Variants in ADCY2 observed in about 807,000 individuals in gnomAD.
The protein encoded by ADCY2 is adenylate cyclase 2.
ADCY2 carries 31 observed loss-of-function variants against 125.2 expected under a neutral mutation model. That is an observed-to-expected ratio of 0.25 (90% CI 0.19 to 0.33). The LOEUF is 0.33. Ranked by LOEUF, ADCY2 falls within the 10% of genes least tolerant of loss-of-function variation. The pLI is 1.00. For synonymous variants in ADCY2, 512 were observed against 548.4 expected (o/e 0.93, Z 0.93); for missense variants, 904 against 1,418.2 (o/e 0.64, Z 5.82).
At chr5:7,585,370 T>A (rs1350602654) in intron 3 of ADCY2, among the ~76,000 whole-genome samples, 1 of 152,162 alleles carries the variant, frequency 6.6e-6, no homozygotes, top group Non-Finnish European at 1.5e-5. Flanking sequence ...GTGGAAACAA[T>A]AATGGTGATA....
chr5:7,427,860 G>A (rs1740443450), intron 2 of ADCY2, among the ~76,000 whole-genome samples: 2 of 152,176 alleles, frequency 1.3e-5, no homozygotes, highest in South Asian at 4.1e-4. Flanking sequence ...AGTGTTTGAA[G>A]CCCAGCGGAC....
intron 2 of ADCY2, among the ~76,000 whole-genome samples, chr5:7,516,361 G>A (rs1385803236): frequency 6.6e-6 from 1 of 152,146 alleles, no homozygotes; most frequent in African/African-American, 2.4e-5. Flanking sequence ...CATGAGTGTG[G>A]GTGTGTGTTT....
chr5:7,750,283 A>T (rs1273979475), intron 15 of ADCY2, among the ~76,000 whole-genome samples: 2 of 151,976 alleles, frequency 1.3e-5, no homozygotes, highest in South Asian at 2.1e-4. Context: ...TTCAGTTATT[A>T]CCTTAAAACC....
intron 2 of ADCY2, among the ~76,000 whole-genome samples, chr5:7,504,286 A>C (rs1186311506): frequency 6.6e-6 from 1 of 152,204 alleles, no homozygotes; most frequent in African/African-American, 2.4e-5. Flanking sequence ...TAAAAATAAA[A>C]TGGATCCAAA....
intron 3 of ADCY2, among the ~76,000 whole-genome samples, chr5:7,555,131 A>G (rs1735463641): frequency 2.0e-5 from 3 of 152,218 alleles, no homozygotes; most frequent in African/African-American, 7.2e-5. Flanking sequence ...ACATCTTGAC[A>G]ATCATGTATC....
chr5:7,666,442 A>G (rs1389795716), intron 4 of ADCY2, among the ~76,000 whole-genome samples: 3 of 148,684 alleles, frequency 2.0e-5, no homozygotes, highest in Admixed American at 1.3e-4. Flanking sequence ...CTAATTTTTT[A>G]TATTTTTAGT....
chr5:7,632,884 AGTCCTTT>A (rs1738364538), intron 4 of ADCY2, among the ~76,000 whole-genome samples: 2 of 152,200 alleles, frequency 1.3e-5, no homozygotes, highest in Non-Finnish European at 2.9e-5. Context: ...TTTTCTGAGA[AGTCCTTT>A]AGTTAGAATG....
At chr5:7,399,087 T>C (rs1186100091) in intron 1 of ADCY2, among the ~76,000 whole-genome samples, 1 of 152,256 alleles carries the variant, frequency 6.6e-6, no homozygotes, top group African/African-American at 2.4e-5. Flanking sequence ...AAGGTTTCCA[T>C]GCTGGAGCAC....
intron 12 of ADCY2, among the ~76,000 whole-genome samples, chr5:7,719,741 T>C (rs893339573): frequency 6.6e-6 from 1 of 152,224 alleles, no homozygotes; most frequent in African/African-American, 2.4e-5. Context: ...CTTACTCTTA[T>C]GACCTCATTT....
intron 16 of ADCY2, among the ~76,000 whole-genome samples, chr5:7,758,689 A>G (rs1382193146): frequency 6.6e-6 from 1 of 151,032 alleles, no homozygotes; most frequent in African/African-American, 2.4e-5. Flanking sequence ...TCATTCTGAA[A>G]TGAGGAGGTG....
chr5:7,568,971 T>C (rs1735991421), intron 3 of ADCY2, among the ~76,000 whole-genome samples: 2 of 152,192 alleles, frequency 1.3e-5, no homozygotes, highest in South Asian at 4.1e-4. Context: ...GTACATGGGC[T>C]GTTTGTCAAA....
rs1230022298 is a variant in ADCY2, at chr5:7,816,939, C to G, written c.2957C>G (p.Ala986Gly). ...FAFALVGKLD[A>G]INKHSFNDFK... ...TTTGCCCTGGTAGGGAAGCTGGATG[C>G]CATCAACAAGCACTCCTTCAACGAC... Residue 986 changes from alanine to glycine, a missense_variant, in exon 23 of 25, where the codon GCC becomes GGC. Transcript: ENST00000338316. The G allele has an allele frequency of 1.2e-6, 2 of 1,614,116 alleles. No individual in the cohort carries two copies. Among genetic ancestry groups the G allele is most frequent in the South Asian group, 2.2e-5 (2 of 91,072 alleles).
chr5:7,436,292 A>AGAAT (rs1740797775), intron 2 of ADCY2, among the ~76,000 whole-genome samples: 1 of 152,230 alleles, frequency 6.6e-6, no homozygotes, highest in Non-Finnish European at 1.5e-5. Flanking sequence ...TCGAGTAAAA[A>AGAAT]GAATTGACCA....
rs374206423 is a variant in ADCY2 at position 7,802,907 on chromosome 5, C to G, written c.2775+543C>G. ...CATAGAGAATAGTGTGTTCTATTTC[C>G]CAGTAAGAACAAACGCCCCTCTGGT... is the stretch of plus-strand genomic sequence containing the variant. On this transcript the variant is annotated intron_variant, in intron 21 of 24. Transcript: ENST00000338316. This position sits in a 1 kb window ranked among gnomAD's most constrained non-coding sequence, Gnocchi z 4.6. Among the ~76,000 whole-genome samples the G allele has an allele frequency of 3.2e-4, 49 of 152,142 alleles. No homozygotes were observed. The highest frequency in any genetic ancestry group is 1.1e-3 in the African/African-American group (47 of 41,504).
chr5:7,453,719 T>C (rs1167701630), intron 2 of ADCY2, among the ~76,000 whole-genome samples: 1 of 152,154 alleles, frequency 6.6e-6, no homozygotes, highest in Non-Finnish European at 1.5e-5. Context: ...TTCCGGGGTC[T>C]TGTGTCCCTT....
chr5:7,415,343 C>T lies in ADCY2; in HGVS notation c.408+573C>T, dbSNP rs528426391. Among the ~76,000 whole-genome samples, 8 of 152,288 alleles carry T rather than the reference C, an allele frequency of 5.3e-5. No homozygotes were observed. In the East Asian group the frequency reaches 9.7e-4, roughly 18 times the overall value. ...TCTGTCCTCATTTTAGCAAACCCAT[C>T]GTACCACAGCCAAGGAGCTGGCCGG... On this transcript the variant is annotated intron_variant, in intron 2 of 24. Coordinates refer to ENST00000338316, the MANE Select transcript of ADCY2 (RefSeq NM_020546.3).
chr5:7,435,460 C>A lies in ADCY2; in HGVS notation c.408+20690C>A, dbSNP rs142985652. Among the ~76,000 whole-genome samples the A allele has an allele frequency of 3.2e-3, 482 of 152,288 alleles. 1 individual carries two copies. Among genetic ancestry groups the A allele is most frequent in the African/African-American group, 0.011 (458 of 41,550 alleles). ...CAGAATTTCCAGCAGAAATGCCCAG[C>A]AAGTTCTAGATTCTGTGACCAGCAG... On this transcript the variant is annotated intron_variant, in intron 2 of 24. Transcript: ENST00000338316.
intron 3 of ADCY2, among the ~76,000 whole-genome samples, chr5:7,531,080 C>A (rs1734625192): frequency 6.6e-6 from 1 of 152,180 alleles, no homozygotes; most frequent in Non-Finnish European, 1.5e-5. Flanking sequence ...GTCTGAGCTC[C>A]TGAAGGTTAA....
At chr5:7,697,331 A>G (rs907160077) in intron 6 of ADCY2, among the ~76,000 whole-genome samples, 1 of 152,300 alleles carries the variant, frequency 6.6e-6, no homozygotes, top group African/African-American at 2.4e-5. Context: ...CTATCCAGCC[A>G]TTGGTTTATC....
Sources: allele counts gnomAD v4.1 joint callset (sites outside exome capture counted in the v4.1 genomes callset), GRCh38; gene constraint gnomAD v4.1.1; non-coding constraint Gnocchi (gnomAD v3.1); transcripts MANE v1.5; gene names NCBI Gene and HGNC (gene_info 2026-07-23, HGNC 2026-07-21).